The following RBM27 variants were observed in gnomAD, a reference collection of about 807,000 sequenced individuals.
RBM27 encodes the protein RNA-binding protein 27.
Under a neutral mutation model 135.3 loss-of-function variants are expected in RBM27, and 22 were observed. That is an observed-to-expected ratio of 0.16 (90% CI 0.12 to 0.23). RBM27 has a LOEUF of 0.23. Among genes scored for constraint, RBM27 ranks in the 10% least tolerant of loss-of-function variants. The pLI, the probability that RBM27 is intolerant of heterozygous loss-of-function variation, is 1.00. For synonymous variants in RBM27, 481 were observed against 442.4 expected, an observed-to-expected ratio of 1.09 and a Z score of -1.10; for missense variants, 1,009 against 1,281.0, an observed-to-expected ratio of 0.79 and a Z score of 3.24.
At chr5:146,269,656 C>T (rs1758776136) in intron 17 of RBM27, 72 bp downstream of exon 17, 1 of 984,134 alleles carries the variant, frequency 1.0e-6, no homozygotes, top group South Asian at 3.0e-5. Context: ...CTTGAAAGTA[C>T]AATGGGACCC....
At chr5:146,214,152 A>T (rs1756092397) in intron 1 of RBM27, among the ~76,000 whole-genome samples, 2 of 152,300 alleles carry the variant, frequency 1.3e-5, no homozygotes, top group South Asian at 4.1e-4. Flanking sequence ...TCGATCTCTT[A>T]ATTTATCTTT....
At chr5:146,213,382 A>G (rs895231087) in intron 1 of RBM27, among the ~76,000 whole-genome samples, 1 of 152,094 alleles carries the variant, frequency 6.6e-6, no homozygotes, top group Non-Finnish European at 1.5e-5. Flanking sequence ...TACAGACGTG[A>G]GCCACCACGC....
intron 13 of RBM27, 127 bp downstream of exon 13, chr5:146,261,933 C>A: frequency 2.2e-6 from 2 of 922,080 alleles, no homozygotes; most frequent in Non-Finnish European, 1.6e-6. Context: ...CCAGTAGCAT[C>A]TGATCTCCTG....
intron 6 of RBM27, among the ~76,000 whole-genome samples, chr5:146,232,668 A>G (rs1319914249): frequency 6.6e-6 from 1 of 151,952 alleles, no homozygotes; most frequent in African/African-American, 2.4e-5. Context: ...TCCTGGGTTC[A>G]AGTGATTCTC....
chr5:146,278,305 T>C (rs1183373488), intron 19 of RBM27, among the ~76,000 whole-genome samples: 1 of 152,176 alleles, frequency 6.6e-6, no homozygotes, highest in Non-Finnish European at 1.5e-5. Flanking sequence ...ATGGTATATA[T>C]AGTTGATCTC....
At chr5:146,218,007 C>T (rs1756286736) in intron 1 of RBM27, among the ~76,000 whole-genome samples, 1 of 152,156 alleles carries the variant, frequency 6.6e-6, no homozygotes, top group African/African-American at 2.4e-5. Context: ...ATCCTCCTGC[C>T]TCAGCCTCTC....
rs1319054340 is a variant in RBM27 at position 146,285,961 on chromosome 5, A to G, written c.3114A>G (p.Ser1038=). The part of the protein sequence containing the change: ...EEVKEEETET[S]DLFLPDDDDE... ...TCTTTCTTCAGGAAACAGAAACCTC[A>G]GATTTGTTTTTGCCTGATGATGACG... The change falls in exon 21 of 21, where the codon TCA becomes TCG. Residue 1038 remains serine, a synonymous_variant. Coordinates refer to ENST00000265271, the MANE Select transcript of RBM27 (RefSeq NM_018989.2). 3.7e-6 allele frequency: 6 copies of G among 1,612,418 alleles called. No individual in the cohort carries two copies. Among genetic ancestry groups the G allele is most frequent in the Non-Finnish European group, 5.1e-6 (6 of 1,178,948 alleles).
At chr5:146,279,221 G>A (rs1410716690) in intron 19 of RBM27, among the ~76,000 whole-genome samples, 1 of 151,604 alleles carries the variant, frequency 6.6e-6, no homozygotes, top group Non-Finnish European at 1.5e-5. Flanking sequence ...AGCCCCAGGT[G>A]GGTGGATCAC....
At chr5:146,218,713 A>G (rs919383537) in intron 1 of RBM27, among the ~76,000 whole-genome samples, 12 of 152,230 alleles carry the variant, frequency 7.9e-5, no homozygotes. Context: ...GTTATCATTG[A>G]GAGAACAAAT....
intron 7 of RBM27, among the ~76,000 whole-genome samples, chr5:146,236,510 T>C (rs1023059731): frequency 6.6e-6 from 1 of 152,242 alleles, no homozygotes; most frequent in African/African-American, 2.4e-5. Context: ...TAATGTTCTT[T>C]TAATTGATTA....
intron 19 of RBM27, among the ~76,000 whole-genome samples, chr5:146,273,541 A>G (rs4705179): frequency 6.6e-6 from 1 of 151,936 alleles, no homozygotes; most frequent in African/African-American, 2.4e-5. Flanking sequence ...CAGAAAGGGT[A>G]TTGAGTACTA....
At chr5:146,275,867 CTG>C (rs1007144365) in intron 19 of RBM27, among the ~76,000 whole-genome samples, 19 of 152,156 alleles carry the variant, frequency 1.2e-4, no homozygotes, top group African/African-American at 3.4e-4. Context: ...GCTCATTTAA[CTG>C]TAAGAATTTT....
chr5:146,221,890 T>A (rs62372762), intron 2 of RBM27, among the ~76,000 whole-genome samples: 1 of 148,050 alleles, frequency 6.8e-6, no homozygotes, highest in Non-Finnish European at 1.5e-5. Flanking sequence ...TCTTTTATAA[T>A]AACATTTTAA....
intron 1 of RBM27, among the ~76,000 whole-genome samples, chr5:146,215,440 A>G (rs185086255): frequency 1.7e-3 from 259 of 152,340 alleles, no homozygotes; most frequent in African/African-American, 5.9e-3. Flanking sequence ...ATCCATACCC[A>G]GCACTAAATC....
intron 10 of RBM27, among the ~76,000 whole-genome samples, chr5:146,255,968 G>A (rs1758082539): frequency 1.3e-5 from 2 of 150,900 alleles, no homozygotes; most frequent in Non-Finnish European, 2.9e-5. Context: ...GGATTCTCCT[G>A]CCTCTGCCTC....
At chr5:146,272,490 G>A (rs1320439039) in intron 19 of RBM27, among the ~76,000 whole-genome samples, 1 of 152,182 alleles carries the variant, frequency 6.6e-6, no homozygotes. Context: ...GGCTGAGGCA[G>A]GTGGATGACC....
chr5:146,238,664 T>A (rs1015008821), intron 8 of RBM27, among the ~76,000 whole-genome samples: 1 of 152,176 alleles, frequency 6.6e-6, no homozygotes, highest in Non-Finnish European at 1.5e-5. Context: ...AAGATTTTTT[T>A]TTTTTTTTTT....
intron 1 of RBM27, among the ~76,000 whole-genome samples, chr5:146,204,029 T>C (rs970582400): frequency 1.4e-5 from 2 of 142,860 alleles, no homozygotes; most frequent in Non-Finnish European, 3.0e-5. Context: ...GCCGTGAATA[T>C]GGGGACTGGG....
Position 146,251,731 on chromosome 5 carries a change from G to A in RBM27, c.1300G>A (p.Glu434Lys), listed in dbSNP as rs1385473424. 1 of 1,612,472 alleles carries A rather than the reference G, an allele frequency of 6.2e-7. No individual in the cohort carries two copies. Among genetic ancestry groups the A allele is most frequent in the Non-Finnish European group, 8.5e-7 (1 of 1,178,506 alleles). Residue 434 changes from glutamate (E) to lysine (K), a missense_variant, in exon 9 of 21, where the codon GAA (glutamate) becomes AAA (lysine). This residue lies in a region of RBM27 where 329 missense variants were observed against 368.1 expected (regional missense o/e 0.89). Coordinates refer to ENST00000265271, the MANE Select transcript of RBM27 (RefSeq NM_018989.2). ...TATAGGACAGCCCATGTACTCTCGT[G>A]AACATGGTGCTGCTGCATCTGAGCG... ...VSERQPMYSR[E>K]HGAAASERLQ...
Sources: gnomAD v4.1 joint callset for allele counts (sites outside exome capture counted in the v4.1 genomes callset) on GRCh38, gnomAD v4.1.1 for gene constraint, gnomAD v4.1.1 regional missense constraint, MANE v1.5 for transcripts, NCBI Gene and HGNC (gene_info 2026-07-23, HGNC 2026-07-21) for gene names.